CRACR2A: variants seen among roughly 807,000 people sequenced by gnomAD.
CRACR2A encodes the protein EF-hand calcium-binding domain-containing protein 4B.
In CRACR2A, 79 loss-of-function variants were observed where a neutral mutation model predicts 90.5. That is an observed-to-expected ratio of 0.87 (90% CI 0.73 to 1.05). The LOEUF is 1.05. Among genes scored for constraint, CRACR2A ranks in the 50% least tolerant of loss-of-function variants. CRACR2A has a pLI of 0.00. For synonymous variants in CRACR2A, 338 were observed against 356.7 expected (o/e 0.95, Z 0.59); for missense variants, 823 against 897.2 (o/e 0.92, Z 1.06).
chr12:3,651,981 C>T (rs773686876), intron 10 of CRACR2A, among the ~76,000 whole-genome samples: 6 of 152,140 alleles, frequency 3.9e-5, no homozygotes, highest in East Asian at 1.9e-4. Flanking sequence ...ACATGCTCTC[C>T]GGGCCCCAGC....
At chr12:3,739,777 T>C (rs971235810) in intron 1 of CRACR2A, among the ~76,000 whole-genome samples, 1 of 151,872 alleles carries the variant, frequency 6.6e-6, no homozygotes. Flanking sequence ...CTACTAAAAA[T>C]ACAAAAATCA....
At chr12:3,659,102 C>T (rs990272736) in intron 8 of CRACR2A, among the ~76,000 whole-genome samples, 5 of 152,196 alleles carry the variant, frequency 3.3e-5, no homozygotes, top group African/African-American at 1.2e-4. Context: ...AGGGGAGCTG[C>T]TGGGCACAGG....
At chr12:3,644,503 G>T in intron 12 of CRACR2A, 92 bp downstream of exon 12, 2 of 1,300,424 alleles carry the variant, frequency 1.5e-6, no homozygotes, top group Non-Finnish European at 2.2e-6. Flanking sequence ...CCGAGTGTCA[G>T]GACATTGCTG....
Position 3,666,664 on chromosome 12 carries a change from G to A in CRACR2A, c.671+6782C>T, listed in dbSNP as rs528926114. Among the ~76,000 whole-genome samples, 69 of 152,362 alleles carry A rather than the reference G, an allele frequency of 4.5e-4. No individual in the cohort carries two copies. In the East Asian group the frequency reaches 0.012, roughly 26 times the overall value. On this transcript the variant is annotated intron_variant, in intron 7 of 19. Coordinates refer to ENST00000440314, the MANE Select transcript of CRACR2A (RefSeq NM_001144958.2). ...GCAAGTTAAGGTGCTACGCCGGAGC[G>A]AGGCATTAATACTCAACATCACTGG...
At chr12:3,720,325 CAGAAAGAAAAGAA>C (rs976527061) in intron 2 of CRACR2A, among the ~76,000 whole-genome samples, 1 of 118,540 alleles carries the variant, frequency 8.4e-6, no homozygotes, top group Non-Finnish European at 1.7e-5. Context: ...GAAAGAGAGA[CAGAAAGAAAAGAA>C]AGAAAGAAAG....
At chr12:3,649,825 G>C (rs1490767581) in intron 10 of CRACR2A, among the ~76,000 whole-genome samples, 1 of 151,166 alleles carries the variant, frequency 6.6e-6, no homozygotes, top group Non-Finnish European at 1.5e-5. Flanking sequence ...GGGAGGGAAG[G>C]AGGAAGAGAG....
intron 7 of CRACR2A, among the ~76,000 whole-genome samples, chr12:3,664,543 T>C (rs1471116002): frequency 6.6e-6 from 1 of 152,236 alleles, no homozygotes; most frequent in Admixed American, 6.5e-5. Flanking sequence ...TCTTTATGGA[T>C]GGAATTTTTT....
At position 3,654,436 on chromosome 12, in the gene CRACR2A, G is replaced by T. The variant is rs758361507; in HGVS notation, c.859-37C>A. ...TGGGGAGCAGAGGGGAATGAGGAGT[G>T]ACCACCATTTTCAGGAGGGCCTGCC... On this transcript the variant is annotated intron_variant, in intron 9 of 19. Transcript: ENST00000440314. The T allele has an allele frequency of 1.0e-5, 16 of 1,543,882 alleles. No individual in the cohort carries two copies. In the African/African-American group the frequency reaches 2.0e-4, roughly 19 times the overall value.
chr12:3,734,655 A>ATGTG (rs1475033071), intron 1 of CRACR2A, among the ~76,000 whole-genome samples: 868 of 74,730 alleles, frequency 0.012, 7 homozygotes, highest in African/African-American at 0.034. Context: ...GTGTGTGTGC[A>ATGTG]TATACATAAT....
chr12:3,723,661 A>G (rs1272495206), intron 2 of CRACR2A, among the ~76,000 whole-genome samples: 1 of 151,992 alleles, frequency 6.6e-6, no homozygotes, highest in Non-Finnish European at 1.5e-5. Context: ...TCACGTTAAG[A>G]GGCCAGGCCT....
At chr12:3,664,033 T>C (rs975497469) in intron 7 of CRACR2A, among the ~76,000 whole-genome samples, 2 of 152,264 alleles carry the variant, frequency 1.3e-5, no homozygotes, top group Non-Finnish European at 2.9e-5. Flanking sequence ...CAGTTGGTCA[T>C]GCAGTGTTTC....
chr12:3,629,574 G>A lies in CRACR2A; in HGVS notation c.1736-1868C>T, dbSNP rs181586196. ...ACAGAGGCCTCTGCCTGCTGGTAAG[G>A]CTTGCAGGTAGACGGGCAGGGAGTT... On this transcript the variant is annotated intron_variant, in intron 15 of 19. Transcript: ENST00000440314. 4.6e-5 allele frequency among the ~76,000 whole-genome samples: 7 copies of A among 152,360 alleles called. No individual in the cohort carries two copies. The East Asian group carries it at 1.4e-3, about 29-fold the overall frequency.
chr12:3,634,970 ATTG>A (rs1944433057), intron 14 of CRACR2A, among the ~76,000 whole-genome samples: 1 of 152,142 alleles, frequency 6.6e-6, no homozygotes, highest in East Asian at 1.9e-4. Context: ...TGTACTTTTA[ATTG>A]TTATTTATTT....
intron 1 of CRACR2A, among the ~76,000 whole-genome samples, chr12:3,735,197 C>T (rs895567189): frequency 1.3e-5 from 2 of 152,106 alleles, no homozygotes; most frequent in East Asian, 1.9e-4. Flanking sequence ...TTTTATCTTT[C>T]AGTTACACCT....
At chr12:3,731,506 C>T (rs1397532801) in intron 2 of CRACR2A, 1 of 152,316 alleles carries the variant, frequency 6.6e-6, no homozygotes, top group Non-Finnish European at 1.5e-5. Flanking sequence ...ACATGCTCCC[C>T]TGCTGACACT....
intron 17 of CRACR2A, among the ~76,000 whole-genome samples, chr12:3,626,396 T>C (rs777171278): frequency 2.6e-5 from 4 of 152,382 alleles, no homozygotes; most frequent in Non-Finnish European, 4.4e-5. Context: ...ATGCAGCTTC[T>C]GTTCTTAGGC....
chr12:3,656,476 C>T (rs1424142817), intron 8 of CRACR2A, 70 bp from the exon 9 acceptor site: 39 of 1,357,932 alleles, frequency 2.9e-5, no homozygotes, highest in Non-Finnish European at 3.9e-5. Context: ...TTTTTTTTTC[C>T]CACCTTGAAC....
chr12:3,680,288 T>A lies in CRACR2A; in HGVS notation c.290A>T (p.Asp97Val), dbSNP rs1372531681. The change falls in exon 5 of 20, where the codon GAT becomes GTT. Residue 97 changes from aspartate (D) to valine (V), a missense_variant. Physicochemically the swap from Asp to Val is radical, Grantham distance 152. Transcript: ENST00000440314. ...GGTCAGATAGCCATTGCCATCAGCA[T>A]CCAGGGCATCAAACACATCCTCCAG... The part of the protein sequence containing the change: ...EELEDVFDAL[D>V]ADGNGYLTPQ... 2 of 1,614,194 alleles carry A rather than the reference T, an allele frequency of 1.2e-6. No individual in the cohort carries two copies. The highest frequency in any genetic ancestry group is 2.2e-5 in the East Asian group (1 of 44,892).
intron 2 of CRACR2A, chr12:3,728,884 C>T (rs1233342424): frequency 6.6e-6 from 1 of 152,266 alleles, no homozygotes; most frequent in African/African-American, 2.4e-5. Context: ...ATAGCCACCA[C>T]TTCTGGGTCC....
Sources: gnomAD v4.1 joint callset for allele counts (sites outside exome capture counted in the v4.1 genomes callset) on GRCh38, gnomAD v4.1.1 for gene constraint, MANE v1.5 for transcripts, NCBI Gene and HGNC (gene_info 2026-07-23, HGNC 2026-07-21) for gene names.